Variants in STXBP5L observed in about 807,000 individuals in gnomAD.
STXBP5L encodes syntaxin-binding protein 5-like.
Under a neutral mutation model 144.5 loss-of-function variants are expected in STXBP5L, and 65 were observed. The ratio of observed to expected loss-of-function variants is 0.45; its 90% CI spans 0.37 to 0.55. STXBP5L has a LOEUF of 0.55. STXBP5L is among the 20% of genes least tolerant of loss of function. The pLI is 0.00. For missense variants in STXBP5L, 1,298 were observed against 1,405.5 expected, an observed-to-expected ratio of 0.92 and a Z score of 1.22; for synonymous variants, 505 against 469.6, an observed-to-expected ratio of 1.08 and a Z score of -0.97.
In STXBP5L at chr3:121,240,427, A is replaced by G; in HGVS notation, c.1333-13A>G. 1 of 1,611,992 alleles carries G rather than the reference A, an allele frequency of 6.2e-7. No homozygotes were observed. Among genetic ancestry groups the G allele is most frequent in the Non-Finnish European group, 8.5e-7 (1 of 1,178,614 alleles). ...AAACATGTATATATATTCTTTCTGG[A>G]TAATCTGTTTAGGAGTGGCCAATCA... On this transcript the variant is annotated splice_polypyrimidine_tract_variant and intron_variant, in intron 13 of 26. Coordinates refer to ENST00000471454, the MANE Select transcript of STXBP5L (RefSeq NM_001308330.2).
At chr3:121,287,534 A>G (rs1404775905) in intron 19 of STXBP5L, among the ~76,000 whole-genome samples, 3 of 152,178 alleles carry the variant, frequency 2.0e-5, no homozygotes, top group Non-Finnish European at 1.5e-5. Flanking sequence ...GATACGAAAG[A>G]CCCACACATT....
At chr3:121,170,778 AC>A (rs1484193965) in intron 9 of STXBP5L, among the ~76,000 whole-genome samples, 1 of 152,230 alleles carries the variant, frequency 6.6e-6, no homozygotes, top group African/African-American at 2.4e-5. Flanking sequence ...AGGAGATGGT[AC>A]CATTCCTTCT....
intron 9 of STXBP5L, among the ~76,000 whole-genome samples, chr3:121,160,621 C>T (rs1053384943): frequency 5.3e-5 from 8 of 152,114 alleles, no homozygotes; most frequent in African/African-American, 1.9e-4. Context: ...CTGGAATCAA[C>T]GGATACTGGG....
intron 2 of STXBP5L, among the ~76,000 whole-genome samples, chr3:120,910,134 T>C (rs138738684): frequency 6.8e-4 from 103 of 152,342 alleles, no homozygotes; most frequent in Admixed American, 2.9e-3. Context: ...ATGAAATGAA[T>C]AAAGCTACTA....
intron 5 of STXBP5L, among the ~76,000 whole-genome samples, chr3:121,087,444 A>G (rs1191508661): frequency 6.6e-6 from 1 of 152,072 alleles, no homozygotes; most frequent in Non-Finnish European, 1.5e-5. Context: ...TCTCTATCTC[A>G]TAATTTCCTT....
chr3:121,312,999 G>A (rs2043599400), intron 19 of STXBP5L, among the ~76,000 whole-genome samples: 1 of 152,156 alleles, frequency 6.6e-6, no homozygotes, highest in South Asian at 2.1e-4. Flanking sequence ...CGGGGTCATG[G>A]CCGGGCAGAG....
At chr3:121,094,021 T>C (rs1164026497) in intron 5 of STXBP5L, among the ~76,000 whole-genome samples, 3 of 152,182 alleles carry the variant, frequency 2.0e-5, no homozygotes, top group Non-Finnish European at 2.9e-5. Flanking sequence ...GCCTTCATTT[T>C]GTTATGTGCC....
chr3:121,029,196 A>G (rs1176747179), intron 3 of STXBP5L, among the ~76,000 whole-genome samples: 2 of 152,302 alleles, frequency 1.3e-5, no homozygotes, highest in South Asian at 2.1e-4. Flanking sequence ...TTTCATATGG[A>G]ACCAAAAAAG....
At chr3:121,127,890 G>A (rs1463910637) in intron 7 of STXBP5L, among the ~76,000 whole-genome samples, 1 of 151,696 alleles carries the variant, frequency 6.6e-6, no homozygotes, top group African/African-American at 2.4e-5. Context: ...CTGGGTGACC[G>A]TGTAATGACT....
At chr3:121,365,209 T>C (rs181612658) in intron 20 of STXBP5L, among the ~76,000 whole-genome samples, 16 of 152,032 alleles carry the variant, frequency 1.1e-4, no homozygotes, top group South Asian at 4.1e-4. Context: ...GGAATATTAA[T>C]ATAGTCAATA....
intron 2 of STXBP5L, among the ~76,000 whole-genome samples, chr3:120,913,295 A>G (rs990582655): frequency 1.3e-5 from 2 of 151,934 alleles, no homozygotes; most frequent in Non-Finnish European, 2.9e-5. Context: ...TCTGGTGTCT[A>G]AAATAGAGAT....
chr3:121,022,679 C>CT (rs1945647470), intron 3 of STXBP5L, among the ~76,000 whole-genome samples: 2 of 152,084 alleles, frequency 1.3e-5, no homozygotes, highest in African/African-American at 4.8e-5. Context: ...TCTCAATAGA[C>CT]ACAGAAAAGG....
At chr3:121,293,103 G>A (rs1345230934) in intron 19 of STXBP5L, among the ~76,000 whole-genome samples, 2 of 151,990 alleles carry the variant, frequency 1.3e-5, no homozygotes, top group Non-Finnish European at 2.9e-5. Flanking sequence ...ACAAATTCTG[G>A]CAAATCCAAA....
rs912877552 is a variant in STXBP5L, at chr3:121,409,951, G to GT, written c.2948+2359dup. ...AAGAGTGAAACTAGGTTTTGAGAGT[G>GT]TTTTTTTTTTTAGATAGGGAAAATA... On this transcript the variant is annotated intron_variant, in intron 23 of 26. Coordinates refer to ENST00000471454, the MANE Select transcript of STXBP5L (RefSeq NM_001308330.2). Among the ~76,000 whole-genome samples the GT allele has an allele frequency of 5.6e-3, 808 of 144,076 alleles. 15 individuals are homozygous for GT. Among genetic ancestry groups the GT allele is most frequent in the African/African-American group, 0.015 (581 of 39,622 alleles). 94.5% of individuals were successfully genotyped at this position (144,076 alleles called of 152,430 possible). A position where few individuals can be genotyped will look rare whatever the true frequency, so the allele number is the denominator to read the frequency against.
intron 3 of STXBP5L, among the ~76,000 whole-genome samples, chr3:120,960,388 AC>A (rs1164925285): frequency 6.6e-6 from 1 of 152,212 alleles, no homozygotes; most frequent in African/African-American, 2.4e-5. Context: ...ATACCATTTG[AC>A]CCAGCCATCC....
chr3:120,915,895 G>A (rs1709076047), intron 2 of STXBP5L, among the ~76,000 whole-genome samples: 1 of 152,146 alleles, frequency 6.6e-6, no homozygotes, highest in Admixed American at 6.5e-5. Flanking sequence ...TACTTAGGGA[G>A]AGACTTGATT....
At chr3:121,071,296 T>C (rs1446880622) in intron 5 of STXBP5L, among the ~76,000 whole-genome samples, 1 of 152,214 alleles carries the variant, frequency 6.6e-6, no homozygotes, top group Non-Finnish European at 1.5e-5. Context: ...TTAACCCGCA[T>C]TTAGTTATCT....
At chr3:121,354,560 A>G (rs2045430760) in intron 20 of STXBP5L, among the ~76,000 whole-genome samples, 1 of 74,022 alleles carries the variant, frequency 1.4e-5, no homozygotes, top group Non-Finnish European at 2.5e-5. Context: ...ATCTTCCTCT[A>G]TCCCTTTATT....
chr3:121,243,773 A>T (rs1026951555), intron 14 of STXBP5L, among the ~76,000 whole-genome samples: 1 of 152,202 alleles, frequency 6.6e-6, no homozygotes, highest in African/African-American at 2.4e-5. Flanking sequence ...TTTACAAAAT[A>T]TAGTAATTCT....
Sources: gnomAD v4.1 joint callset for allele counts (sites outside exome capture counted in the v4.1 genomes callset) on GRCh38, gnomAD v4.1.1 for gene constraint, MANE v1.5 for transcripts, NCBI Gene and HGNC (gene_info 2026-07-23, HGNC 2026-07-21) for gene names.